Variants in ADARB2 observed in about 807,000 individuals in gnomAD.
ADARB2 encodes the protein adenosine deaminase RNA specific B2 (inactive), also known as inactive double-stranded RNA-specific editase B2.
Under a neutral mutation model 62.2 loss-of-function variants are expected in ADARB2, and 25 were observed. That is an observed-to-expected ratio of 0.40 (90% CI 0.29 to 0.56). The LOEUF is 0.56. Among genes scored for constraint, ADARB2 ranks in the 20% least tolerant of loss-of-function variants. ADARB2 has a pLI of 0.43. For missense variants in ADARB2, 1,071 were observed against 1,077.4 expected, an observed-to-expected ratio of 0.99 and a Z score of 0.08; for synonymous variants, 572 against 500.8, an observed-to-expected ratio of 1.14 and a Z score of -1.90.
chr10:1,496,117 CATT>C (rs1462457611), intron 1 of ADARB2, among the ~76,000 whole-genome samples: 3 of 151,540 alleles, frequency 2.0e-5, no homozygotes, highest in African/African-American at 7.3e-5. Flanking sequence ...CCATCATCAT[CATT>C]ATCGTTATCT....
chr10:1,187,357 C>T (rs113560574), intron 8 of ADARB2, among the ~76,000 whole-genome samples: 1 of 152,088 alleles, frequency 6.6e-6, no homozygotes, highest in African/African-American at 2.4e-5. Flanking sequence ...CTCCCACTCC[C>T]GTCACCAGGC....
At position 1,510,662 on chromosome 10, in the gene ADARB2, A is replaced by G. The variant is rs542776861; in HGVS notation, c.101-131502T>C. 3.3e-5 allele frequency among the ~76,000 whole-genome samples: 5 copies of G among 152,290 alleles called. No homozygotes were observed. The South Asian group carries it at 1.0e-3, about 32-fold the overall frequency. Reference sequence around the variant, plus strand: ...TTGGAGATGAAGGATAGAATCAATGACACCTTAGAGTCCTTTGTGATTCTA... The same window carrying G: ...TTGGAGATGAAGGATAGAATCAATGGCACCTTAGAGTCCTTTGTGATTCTA... On this transcript the variant is annotated intron_variant, in intron 1 of 9. Transcript: ENST00000381312.
At chr10:1,404,292 T>C (rs1278674548) in intron 1 of ADARB2, among the ~76,000 whole-genome samples, 1 of 152,168 alleles carries the variant, frequency 6.6e-6, no homozygotes, top group Non-Finnish European at 1.5e-5. Flanking sequence ...ACGGGGGACC[T>C]CGGGAGATGC....
At chr10:1,193,067 G>A (rs59161806) in intron 8 of ADARB2, among the ~76,000 whole-genome samples, 3,293 of 152,354 alleles carry the variant, frequency 0.022, 109 homozygotes, top group African/African-American at 0.075. Context: ...AGGTGTTGAG[G>A]GTGGAAGGCA....
intron 1 of ADARB2, among the ~76,000 whole-genome samples, chr10:1,603,256 C>A (rs1032503658): frequency 1.3e-5 from 2 of 152,202 alleles, no homozygotes; most frequent in Non-Finnish European, 2.9e-5. Context: ...GTAGGCAGCA[C>A]CCCCGGATGA....
intron 7 of ADARB2, among the ~76,000 whole-genome samples, chr10:1,201,233 T>G (rs554653972): frequency 6.6e-6 from 1 of 152,258 alleles, no homozygotes; most frequent in East Asian, 1.9e-4. Context: ...CTGGTGGGGG[T>G]TTCGGGGAGC....
chr10:1,497,684 A>G (rs1485200498), intron 1 of ADARB2, among the ~76,000 whole-genome samples: 2 of 152,268 alleles, frequency 1.3e-5, no homozygotes, highest in African/African-American at 2.4e-5. Flanking sequence ...ATTATATTTC[A>G]TAAAGAACTT....
At chr10:1,409,678 T>TA (rs1832740617) in intron 1 of ADARB2, among the ~76,000 whole-genome samples, 1 of 111,856 alleles carries the variant, frequency 8.9e-6, no homozygotes, top group Non-Finnish European at 2.0e-5. Flanking sequence ...GCCACGGTCA[T>TA]GGGGAAGGAT....
At chr10:1,187,319 T>G (rs1168486464) in intron 8 of ADARB2, among the ~76,000 whole-genome samples, 1 of 152,176 alleles carries the variant, frequency 6.6e-6, no homozygotes, top group Non-Finnish European at 1.5e-5. Flanking sequence ...TACCCTGATC[T>G]GCGTGCACTG....
intron 1 of ADARB2, among the ~76,000 whole-genome samples, chr10:1,600,778 A>G (rs967417149): frequency 2.0e-5 from 3 of 151,452 alleles, no homozygotes; most frequent in Admixed American, 6.6e-5. Context: ...CATTCTTCCT[A>G]TTTGGCAGGG....
Position 1,477,492 on chromosome 10 carries a change from A to G in ADARB2, c.101-98332T>C, listed in dbSNP as rs1015813187. On this transcript the variant is annotated intron_variant, in intron 1 of 9. Transcript: ENST00000381312. The surrounding 1 kb of genome is among the most constrained non-coding windows in gnomAD (Gnocchi z 4.5). ...GCTGCCCATTGCTTTCTTGCAACGT[A>G]TCTTCGTGCTTTCTCTAATAAATCT... 6.6e-6 allele frequency among the ~76,000 whole-genome samples: 1 copy of G among 152,026 alleles called. No homozygotes were observed. Among genetic ancestry groups the G allele is most frequent in the Non-Finnish European group, 1.5e-5 (1 of 68,018 alleles).
chr10:1,623,610 ACTC>A (rs1833733177), intron 1 of ADARB2, among the ~76,000 whole-genome samples: 1 of 151,286 alleles, frequency 6.6e-6, no homozygotes, highest in South Asian at 2.1e-4. Flanking sequence ...ACTGCTTTGA[ACTC>A]CTTGTCTGTC....
At chr10:1,339,205 C>T (rs1336664236) in intron 3 of ADARB2, among the ~76,000 whole-genome samples, 1 of 152,246 alleles carries the variant, frequency 6.6e-6, no homozygotes, top group Non-Finnish European at 1.5e-5. Context: ...AGCATAGCCT[C>T]TTCTCAGGTT....
intron 1 of ADARB2, among the ~76,000 whole-genome samples, chr10:1,387,942 T>A (rs1432103521): frequency 6.6e-6 from 1 of 152,022 alleles, no homozygotes; most frequent in Non-Finnish European, 1.5e-5. Flanking sequence ...GTTTACAGTT[T>A]GAAAATCAAT....
chr10:1,411,731 C>T (rs908657079), intron 1 of ADARB2, among the ~76,000 whole-genome samples: 1 of 152,104 alleles, frequency 6.6e-6, no homozygotes, highest in Non-Finnish European at 1.5e-5. Context: ...CCGTGCAAGG[C>T]CACTGTAGGT....
At chr10:1,546,010 T>TAA (rs57460873) in intron 1 of ADARB2, among the ~76,000 whole-genome samples, 1 of 148,784 alleles carries the variant, frequency 6.7e-6, no homozygotes, top group Non-Finnish European at 1.5e-5. Context: ...CTTAGTCCTT[T>TAA]AAAAAAAAAA....
At chr10:1,527,929 A>T (rs1832170179) in intron 1 of ADARB2, among the ~76,000 whole-genome samples, 1 of 152,252 alleles carries the variant, frequency 6.6e-6, no homozygotes, top group Non-Finnish European at 1.5e-5. Flanking sequence ...AAAATTATTC[A>T]CTAAGCAAGA....
At chr10:1,278,896 C>G (rs1046615005) in intron 3 of ADARB2, among the ~76,000 whole-genome samples, 1 of 152,214 alleles carries the variant, frequency 6.6e-6, no homozygotes, top group African/African-American at 2.4e-5. Flanking sequence ...GTGGTCCTGC[C>G]ATAGCACCAT....
At chr10:1,488,639 C>A (rs61831888) in intron 1 of ADARB2, among the ~76,000 whole-genome samples, 2 of 152,090 alleles carry the variant, frequency 1.3e-5, no homozygotes, top group Admixed American at 1.3e-4. Context: ...ACTGGGGAGA[C>A]GTGAAAGGGA....
Sources: allele counts gnomAD v4.1 joint callset (sites outside exome capture counted in the v4.1 genomes callset), GRCh38; gene constraint gnomAD v4.1.1; non-coding constraint Gnocchi (gnomAD v3.1); transcripts MANE v1.5; gene names NCBI Gene and HGNC (gene_info 2026-07-23, HGNC 2026-07-21).